The following VPS13B variants were observed in gnomAD, a reference collection of about 807,000 sequenced individuals.
The protein encoded by VPS13B is intermembrane lipid transfer protein VPS13B.
In VPS13B, 285 loss-of-function variants were observed where a neutral mutation model predicts 426.4. That is an observed-to-expected ratio of 0.67 (90% CI 0.61 to 0.74). VPS13B has a LOEUF of 0.74. Ranked by LOEUF, VPS13B falls within the 30% of genes least tolerant of loss-of-function variation. The pLI, the probability that VPS13B is intolerant of heterozygous loss-of-function variation, is 0.00. For synonymous variants in VPS13B, 1,676 were observed against 1,676.4 expected (o/e 1.00, Z 0.01); for missense variants, 4,537 against 4,782.6 (o/e 0.95, Z 1.51).
intron 23 of VPS13B, among the ~76,000 whole-genome samples, chr8:99,465,004 G>A (rs551608546): frequency 4.6e-5 from 7 of 151,232 alleles, no homozygotes; most frequent in African/African-American, 9.7e-5. Context: ...TAATTCTGCC[G>A]GCAATATTTT....
intron 28 of VPS13B, chr8:99,507,880 C>G: frequency 1.2e-6 from 2 of 1,614,028 alleles, no homozygotes; most frequent in Non-Finnish European, 1.7e-6. Flanking sequence ...AAGCAGGACC[C>G]TTTCAGTAAT....
At chr8:99,554,038 A>T (rs1399834076) in intron 30 of VPS13B, among the ~76,000 whole-genome samples, 1 of 152,080 alleles carries the variant, frequency 6.6e-6, no homozygotes, top group African/African-American at 2.4e-5. Context: ...CCAAAAAAAA[A>T]ATGGGAAATT....
At chr8:99,122,899 G>A (rs1464290210) in intron 8 of VPS13B, among the ~76,000 whole-genome samples, 2 of 151,804 alleles carry the variant, frequency 1.3e-5, no homozygotes, top group Non-Finnish European at 2.9e-5. Flanking sequence ...GATCACCTGA[G>A]ATCTGGAATT....
At chr8:99,082,232 ATG>A (rs1208661994) in intron 3 of VPS13B, among the ~76,000 whole-genome samples, 1 of 152,072 alleles carries the variant, frequency 6.6e-6, no homozygotes. Context: ...GTATGTTTTC[ATG>A]TGTCTTTTGG....
chr8:99,097,673 AAAAT>A (rs1258616818), intron 4 of VPS13B, among the ~76,000 whole-genome samples: 3 of 152,216 alleles, frequency 2.0e-5, no homozygotes, highest in African/African-American at 4.8e-5. Flanking sequence ...ATAGTAGCCA[AAAAT>A]AAATCTGTAT....
At chr8:99,764,972 G>A (rs375344910) in intron 39 of VPS13B, among the ~76,000 whole-genome samples, 117 of 152,268 alleles carry the variant, frequency 7.7e-4, no homozygotes, top group African/African-American at 2.5e-3. Context: ...TTGGCTAGGC[G>A]CGGTGGCTCA....
chr8:99,577,712 C>A lies in VPS13B; in HGVS notation c.5220+79C>A, dbSNP rs190780689. The A allele has an allele frequency of 1.1e-3, 1,738 of 1,532,350 alleles. 13 individuals are homozygous for A. In the African/African-American group the frequency reaches 0.021, roughly 18 times the overall value. 94.9% of individuals were successfully genotyped at this position (1,532,350 alleles called of 1,614,324 possible). ...TCACAGTAGGAAAACTATAATTAAG[C>A]TGACTGCTTTCTGCTTAATTATTCT... On this transcript the variant is annotated intron_variant, in intron 33 of 61. Coordinates refer to ENST00000357162, the MANE Select transcript of VPS13B (RefSeq NM_152564.5).
chr8:99,664,343 T>C (rs1178131605), intron 35 of VPS13B, among the ~76,000 whole-genome samples: 1 of 151,776 alleles, frequency 6.6e-6, no homozygotes, highest in African/African-American at 2.4e-5. Context: ...ATACTTTAAG[T>C]TTTAGGGTAC....
chr8:99,014,552 T>A (rs1441581987), intron 2 of VPS13B, among the ~76,000 whole-genome samples: 1 of 152,100 alleles, frequency 6.6e-6, no homozygotes, highest in Non-Finnish European at 1.5e-5. Flanking sequence ...TTTCAAGCAT[T>A]ATGAATGTGC....
intron 36 of VPS13B, among the ~76,000 whole-genome samples, chr8:99,712,911 G>A (rs1832761913): frequency 1.3e-5 from 2 of 151,916 alleles, no homozygotes; most frequent in African/African-American, 4.8e-5. Flanking sequence ...TAACGTTGGG[G>A]GGGTTAAGAA....
rs369731827 is a variant in VPS13B at position 99,507,147 on chromosome 8, G to A, written c.4168G>A (p.Gly1390Ser). Reference protein sequence around the residue: ...IDHYRSRPGEGWQSGHFEGVF... With the variant: ...IDHYRSRPGESWQSGHFEGVF... ...ACTTATGTTTTCCAGGCCAGGGGAA[G>A]GTTGGCAGTCAGGACATTTTGAAGG... The change falls in exon 28 of 62, where the codon GGT becomes AGT. Residue 1390 changes from glycine (G) to serine (S), a missense_variant. By Grantham distance (56) the Gly-to-Ser change is moderately conservative (BLOSUM62 0). Coordinates refer to ENST00000357162, the MANE Select transcript of VPS13B (RefSeq NM_152564.5). The A allele has an allele frequency of 6.2e-7, 1 of 1,613,864 alleles. No homozygotes were observed. Among genetic ancestry groups the A allele is most frequent in the Non-Finnish European group, 8.5e-7 (1 of 1,179,936 alleles).
At chr8:99,158,097 G>C (rs1468636702) in intron 15 of VPS13B, among the ~76,000 whole-genome samples, 4 of 152,150 alleles carry the variant, frequency 2.6e-5, no homozygotes, top group Non-Finnish European at 5.9e-5. Flanking sequence ...AACTAGAGCA[G>C]GTTATCCATA....
At chr8:99,864,651 G>T (rs1014851990) in intron 58 of VPS13B, among the ~76,000 whole-genome samples, 1 of 152,166 alleles carries the variant, frequency 6.6e-6, no homozygotes, top group African/African-American at 2.4e-5. Flanking sequence ...AAACGTTAAG[G>T]ACCCAGTTAA....
chr8:99,180,522 A>G (rs1272750812), intron 16 of VPS13B, among the ~76,000 whole-genome samples: 1 of 152,184 alleles, frequency 6.6e-6, no homozygotes, highest in Non-Finnish European at 1.5e-5. Flanking sequence ...ATTATGGCCA[A>G]TGGGATAGAA....
intron 35 of VPS13B, among the ~76,000 whole-genome samples, chr8:99,673,074 A>G (rs192662240): frequency 2.1e-4 from 32 of 152,142 alleles, no homozygotes; most frequent in African/African-American, 7.5e-4. Context: ...CATCCTGGAT[A>G]TTGGCCTGAA....
chr8:99,389,005 T>C (rs1814278313), intron 20 of VPS13B, among the ~76,000 whole-genome samples: 1 of 151,888 alleles, frequency 6.6e-6, no homozygotes, highest in African/African-American at 2.4e-5. Context: ...AAACGTTAGC[T>C]GGGCGCAGTG....
chr8:99,225,862 G>A (rs1224498195), intron 17 of VPS13B, among the ~76,000 whole-genome samples: 4 of 152,106 alleles, frequency 2.6e-5, no homozygotes, highest in Non-Finnish European at 5.9e-5. Flanking sequence ...GATAAAGTTG[G>A]AACTTCTTCC....
At chr8:99,637,551 G>A (rs1041249190) in intron 33 of VPS13B, among the ~76,000 whole-genome samples, 8 of 152,044 alleles carry the variant, frequency 5.3e-5, no homozygotes, top group Non-Finnish European at 1.0e-4. Flanking sequence ...TAACCTTTGT[G>A]ACCTGAGCTG....
Position 99,507,158 on chromosome 8 carries a change from A to C in VPS13B, c.4179A>C (p.Ser1393=). 6.2e-7 allele frequency: 1 copy of C among 1,614,034 alleles called. No individual in the cohort carries two copies. ...YRSRPGEGWQ[S]GHFEGVFLQC... ...CCAGGCCAGGGGAAGGTTGGCAGTCAGGACATTTTGAAGGAGTATTTCTAC... is the reference window on the plus strand; with the variant it reads ...CCAGGCCAGGGGAAGGTTGGCAGTCCGGACATTTTGAAGGAGTATTTCTAC... The change falls in exon 28 of 62, where the codon TCA becomes TCC. Residue 1393 remains serine (S), a synonymous_variant. Coordinates refer to ENST00000357162, the MANE Select transcript of VPS13B (RefSeq NM_152564.5).
Sources: allele counts gnomAD v4.1 joint callset (sites outside exome capture counted in the v4.1 genomes callset), GRCh38; gene constraint gnomAD v4.1.1; transcripts MANE v1.5; gene names NCBI Gene and HGNC (gene_info 2026-07-23, HGNC 2026-07-21).